The following DPP10 variants were observed in gnomAD, a reference collection of about 807,000 sequenced individuals.
The protein encoded by DPP10 is dipeptidyl peptidase like 10, also known as inactive dipeptidyl peptidase 10.
DPP10 carries 33 observed loss-of-function variants against 120.9 expected under a neutral mutation model. The observed-to-expected ratio is 0.27, with a 90% CI of 0.21 to 0.37. DPP10 has a LOEUF of 0.37. Among genes scored for constraint, DPP10 ranks in the 10% least tolerant of loss-of-function variants. DPP10 has a pLI of 1.00. For missense variants in DPP10, 816 were observed against 942.8 expected, an observed-to-expected ratio of 0.87 and a Z score of 1.76; for synonymous variants, 337 against 326.1, an observed-to-expected ratio of 1.03 and a Z score of -0.36.
chr2:115,485,462 T>C (rs1459703708), intron 3 of DPP10, among the ~76,000 whole-genome samples: 1 of 152,172 alleles, frequency 6.6e-6, no homozygotes, highest in Non-Finnish European at 1.5e-5. Flanking sequence ...TTCTTGGGTC[T>C]GATTGTTGTT....
intron 5 of DPP10, among the ~76,000 whole-genome samples, chr2:115,594,073 G>A (rs1471003286): frequency 6.6e-6 from 1 of 152,110 alleles, no homozygotes; most frequent in Non-Finnish European, 1.5e-5. Flanking sequence ...CAGGAACCCT[G>A]CAAAGTAACC....
intron 1 of DPP10, among the ~76,000 whole-genome samples, chr2:115,048,145 G>A (rs750824043): frequency 1.3e-5 from 2 of 152,028 alleles, no homozygotes; most frequent in African/African-American, 2.4e-5. Context: ...GGTCAACAGC[G>A]TATTGTATAT....
Position 115,840,753 on chromosome 2 carries a change from A to G in DPP10, c.2186A>G (p.Lys729Arg), listed in dbSNP as rs1438969152. 6.2e-7 allele frequency: 1 copy of G among 1,613,438 alleles called. No homozygotes were observed. The highest frequency in any genetic ancestry group is 8.5e-7 in the Non-Finnish European group (1 of 1,179,730). ...ATCATAATTTGATTTCTTGCAGCAA[A>G]AGTTCATTTCCAACACTCAGCAGAA... is the stretch of plus-strand genomic sequence containing the variant. ...ILIIHGTADT[K>R]VHFQHSAELI... Residue 729 changes from lysine (K) to arginine (R), a missense_variant, in exon 25 of 26, where the codon AAA becomes AGA. Around this residue, in one of 3 missense-constraint regions of DPP10, gnomAD observed 592 missense variants for 649.0 expected, o/e 0.91. Transcript: ENST00000410059.
intron 1 of DPP10, among the ~76,000 whole-genome samples, chr2:114,547,183 T>G (rs948584242): frequency 6.6e-6 from 1 of 152,256 alleles, no homozygotes; most frequent in Middle Eastern, 3.2e-3. Context: ...ACTTTCGAAT[T>G]TGTGGTTCAT....
intron 5 of DPP10, among the ~76,000 whole-genome samples, chr2:115,677,843 C>G (rs1276762496): frequency 6.6e-6 from 1 of 152,166 alleles, no homozygotes; most frequent in Non-Finnish European, 1.5e-5. Context: ...ACGCCTGACT[C>G]TAAGCATGAA....
chr2:115,100,423 G>A (rs1181764465), intron 1 of DPP10, among the ~76,000 whole-genome samples: 4 of 151,794 alleles, frequency 2.6e-5, no homozygotes, highest in Non-Finnish European at 5.9e-5. Flanking sequence ...GACTTTAGCC[G>A]CTGAGTGACA....
At chr2:114,755,059 G>C (rs934554207) in intron 1 of DPP10, among the ~76,000 whole-genome samples, 14 of 152,162 alleles carry the variant, frequency 9.2e-5, no homozygotes, top group African/African-American at 3.4e-4. Flanking sequence ...AGTTGAGTAA[G>C]ATCATATTTA....
intron 2 of DPP10, among the ~76,000 whole-genome samples, chr2:115,317,632 CT>C (rs148408128): frequency 0.029 from 3,888 of 133,104 alleles, 123 homozygotes; most frequent in African/African-American, 0.087. Flanking sequence ...TTGTTCTTTT[CT>C]TTTTTTTTTT....
At chr2:114,701,061 G>C (rs2066082290) in intron 1 of DPP10, among the ~76,000 whole-genome samples, 1 of 151,894 alleles carries the variant, frequency 6.6e-6, no homozygotes, top group Admixed American at 6.6e-5. Flanking sequence ...TTTTCTCCTT[G>C]GTTAGGACCT....
intron 1 of DPP10, among the ~76,000 whole-genome samples, chr2:114,458,435 G>T (rs971364323): frequency 1.3e-5 from 2 of 152,044 alleles, no homozygotes; most frequent in African/African-American, 4.8e-5. Flanking sequence ...TTTAAATAAA[G>T]AGGTTGACTG....
At chr2:115,148,883 T>A (rs2051378757) in intron 1 of DPP10, among the ~76,000 whole-genome samples, 2 of 152,192 alleles carry the variant, frequency 1.3e-5, no homozygotes, top group South Asian at 4.1e-4. Context: ...TAATCTTTTT[T>A]TGCATTTTTA....
At chr2:115,029,632 T>C (rs975775305) in intron 1 of DPP10, among the ~76,000 whole-genome samples, 5 of 152,134 alleles carry the variant, frequency 3.3e-5, no homozygotes, top group Non-Finnish European at 5.9e-5. Context: ...CAGTGTTGGT[T>C]CTTATAGGAT....
At chr2:115,291,319 C>T (rs1191594284) in intron 1 of DPP10, among the ~76,000 whole-genome samples, 3 of 152,032 alleles carry the variant, frequency 2.0e-5, no homozygotes, top group African/African-American at 7.2e-5. Flanking sequence ...TTCATTCTAA[C>T]ATACCACTTC....
At chr2:115,090,590 T>C (rs1709163860) in intron 1 of DPP10, among the ~76,000 whole-genome samples, 1 of 152,202 alleles carries the variant, frequency 6.6e-6, no homozygotes, top group Non-Finnish European at 1.5e-5. Flanking sequence ...AGTTTGGTTT[T>C]TGTAAAAGTT....
At chr2:115,687,691 C>T in intron 5 of DPP10, among the ~76,000 whole-genome samples, 1 of 152,042 alleles carries the variant, frequency 6.6e-6, no homozygotes, top group Admixed American at 6.6e-5. Flanking sequence ...TTTATATATT[C>T]CCTTCTCCAA....
intron 5 of DPP10, among the ~76,000 whole-genome samples, chr2:115,587,869 G>A (rs2082390866): frequency 6.6e-6 from 1 of 152,020 alleles, no homozygotes; most frequent in Non-Finnish European, 1.5e-5. Context: ...GGCATACTAA[G>A]TTTTTATCAG....
At chr2:115,101,904 G>T (rs974385942) in intron 1 of DPP10, among the ~76,000 whole-genome samples, 1 of 152,120 alleles carries the variant, frequency 6.6e-6, no homozygotes, top group Admixed American at 6.5e-5. Flanking sequence ...AAATATTTGG[G>T]TACCTGAACC....
rs865954906 is a variant in DPP10, at chr2:114,866,026, C to T, written c.60+423188C>T. ...ACTCAGGAGGCTGAGGCAGGAGAAT[C>T]GCTTGAACCTGGGGGGCGGAGGTTG... On this transcript the variant is annotated intron_variant, in intron 1 of 25. Transcript: ENST00000410059. Among the ~76,000 whole-genome samples, 6 of 152,018 alleles carry T rather than the reference C, an allele frequency of 3.9e-5. No individual in the cohort carries two copies. In the South Asian group the frequency reaches 1.0e-3, roughly 26 times the overall value.
chr2:114,763,901 A>C (rs976120363), intron 1 of DPP10, among the ~76,000 whole-genome samples: 3 of 152,182 alleles, frequency 2.0e-5, no homozygotes, highest in Non-Finnish European at 4.4e-5. Flanking sequence ...CATCATTGTC[A>C]GCCTCTCTGA....
Sources: gnomAD v4.1 joint callset for allele counts (sites outside exome capture counted in the v4.1 genomes callset) on GRCh38, gnomAD v4.1.1 for gene constraint, gnomAD v4.1.1 regional missense constraint, MANE v1.5 for transcripts, NCBI Gene and HGNC (gene_info 2026-07-23, HGNC 2026-07-21) for gene names.